SERF2: variants seen among roughly 807,000 people sequenced by gnomAD.
SERF2 encodes the protein gastric cancer-related protein VRG107.
A neutral mutation model predicts 10.7 loss-of-function variants in SERF2; 4 were observed. The ratio of observed to expected loss-of-function variants is 0.37; its 90% confidence interval spans 0.18 to 0.86. The LOEUF is 0.86. Among genes scored for constraint, SERF2 ranks in the 40% least tolerant of loss-of-function variants. The probability of loss-of-function intolerance (pLI) is 0.43; values close to 1 mark genes in which losing one functional copy is unlikely to be tolerated. For missense variants in SERF2, 47 were observed against 79.1 expected (o/e 0.59, Z 1.54); for synonymous variants, 26 against 26.0 (o/e 1.00, Z 0.01).
exon 1 of SERF2, chr15:43,777,170 A>G (rs564008112): frequency 1.6e-6 from 1 of 643,672 alleles, no homozygotes; most frequent in East Asian, 3.3e-5. Flanking sequence ...CGGAAGAGCT[A>G]TCCCCAGTTC....
intron 2 of SERF2, among the ~76,000 whole-genome samples, chr15:43,786,945 A>G (rs112733354): frequency 0.011 from 1,612 of 152,070 alleles, 22 homozygotes; most frequent in African/African-American, 0.036. Context: ...TCCTGAACCA[A>G]TAACTGTTAC....
chr15:43,795,160 A>G lies in SERF2; in HGVS notation c.*1387A>G, dbSNP rs1288634711. 3.7e-6 allele frequency: 6 copies of G among 1,613,984 alleles called. No individual in the cohort carries two copies. Among genetic ancestry groups the G allele is most frequent in the Non-Finnish European group, 5.1e-6 (6 of 1,180,018 alleles). ...CCAGCATGAGGCAACCTTGACCCAG[A>G]AGGTGGCCCAGCTACCCTTGATGAA... On this transcript the variant is annotated 3_prime_UTR_variant, in exon 3 of 3. Coordinates refer to ENST00000249786, the MANE Select transcript of SERF2 (RefSeq NM_001018108.4).
chr15:43,786,438 G>T (rs1384160045), intron 2 of SERF2, among the ~76,000 whole-genome samples: 1 of 148,800 alleles, frequency 6.7e-6, no homozygotes, highest in African/African-American at 2.5e-5. Flanking sequence ...AAAAAAAGCT[G>T]GTTGACGTTT....
chr15:43,786,985 G>C (rs1339047418), intron 2 of SERF2, among the ~76,000 whole-genome samples: 3 of 145,394 alleles, frequency 2.1e-5, no homozygotes, highest in African/African-American at 7.5e-5. Context: ...AATCTGCTTA[G>C]GCCTGGGTTC....
chr15:43,793,574 A>T, intron 2 of SERF2, 136 bp from the exon 3 acceptor site: 6 of 1,551,788 alleles, frequency 3.9e-6, no homozygotes, highest in Non-Finnish European at 5.2e-6. Flanking sequence ...TTGTTCTCCT[A>T]GGGTGGGAGT....
chr15:43,791,431 C>G (rs115553516), upstream of SERF2, among the ~76,000 whole-genome samples: 1,411 of 141,224 alleles, frequency 1.0e-2, 22 homozygotes, highest in African/African-American at 0.037. Flanking sequence ...AGGGTTTTCA[C>G]CATTGTTGGT....
In SERF2 at chr15:43,794,040, G is replaced by A; in HGVS notation, c.*267G>A. ...ACCCCAAAGTATTAAAAGTAGCTTT[G>A]TAATTCCTTGAGCGCCTGGTTTGAC... On this transcript the variant is annotated 3_prime_UTR_variant, in exon 3 of 3. Transcript: ENST00000249786. 1 of 1,394,904 alleles carries A rather than the reference G, an allele frequency of 7.2e-7. No homozygotes were observed. The highest frequency in any genetic ancestry group is 9.4e-7 in the Non-Finnish European group (1 of 1,060,872). The allele number at this position is 1,394,904 out of a possible 1,614,324, so 86.4% of individuals were successfully genotyped here.
At chr15:43,778,601 A>C (rs2086941414) in intron 1 of SERF2, among the ~76,000 whole-genome samples, 1 of 140,804 alleles carries the variant, frequency 7.1e-6, no homozygotes, top group South Asian at 2.2e-4. Flanking sequence ...AAAAAAAAAA[A>C]AAAAAAAAAA....
chr15:43,792,254 C>A, upstream of SERF2: 1 of 872,980 alleles, frequency 1.1e-6, no homozygotes, highest in East Asian at 2.5e-5. Flanking sequence ...GAGCCGGCTC[C>A]CGGGCGCGAA....
At chr15:43,793,563 C>T (rs2087123874) in intron 2 of SERF2, 147 bp from the exon 3 acceptor site, 3 of 1,527,058 alleles carry the variant, frequency 2.0e-6, no homozygotes, top group African/African-American at 1.4e-5. Context: ...CTCTCTTCCT[C>T]TTGTTCTCCT....
Position 43,777,130 on chromosome 15 carries a change from C to T in SERF2, c.-899C>T, listed in dbSNP as rs1420097673. On this transcript the variant is annotated 5_prime_UTR_variant, in exon 1 of 5. Coordinates refer to the SERF2 transcript ENST00000381359. Reference sequence around the variant, plus strand: ...ACCGCCCGGACCTCGGCGCTTTCTTCTAGGATCCGCATGAATCGCTTTGGG... The same window carrying T: ...ACCGCCCGGACCTCGGCGCTTTCTTTTAGGATCCGCATGAATCGCTTTGGG... The T allele has an allele frequency of 6.9e-6, 5 of 723,772 alleles. No individual in the cohort carries two copies. The Admixed American group carries it at 1.0e-4, about 15-fold the overall frequency. The allele number at this position is 723,772 out of a possible 1,614,324, so 44.8% of individuals were successfully genotyped here. A position where few individuals can be genotyped will look rare whatever the true frequency, so the allele number is the denominator to read the frequency against.
upstream of SERF2, chr15:43,791,970 T>C (rs1596038525): frequency 3.5e-6 from 1 of 284,668 alleles, no homozygotes; most frequent in South Asian, 4.5e-5. Flanking sequence ...ACGGGCGTTC[T>C]TTCAGGGCGA....
chr15:43,792,533 A>T (rs1352081353), intron 1 of SERF2, 150 bp downstream of exon 1: 13 of 1,519,700 alleles, frequency 8.6e-6, no homozygotes, highest in Non-Finnish European at 1.1e-5. Flanking sequence ...GGTGCCCGGA[A>T]ATCGAGCCCT....
In SERF2 at chr15:43,795,335, TC is replaced by T; in HGVS notation, c.*1564del. On this transcript the variant is annotated 3_prime_UTR_variant, in exon 3 of 3. Transcript: ENST00000249786. ...TCTGGAATGGCCTTGAATTGCTCTT[TC>T]CTTAAAATAGCTAGCTCTTCAGGAG... The T allele has an allele frequency of 6.2e-7, 1 of 1,608,878 alleles. No individual in the cohort carries two copies. The highest frequency in any genetic ancestry group is 8.5e-7 in the Non-Finnish European group (1 of 1,175,622).
chr15:43,793,468 A>G, intron 2 of SERF2: 1 of 1,154,754 alleles, frequency 8.7e-7, no homozygotes, highest in African/African-American at 1.6e-5. Flanking sequence ...CTCAATACAG[A>G]ATAGAGACCC....
chr15:43,795,492 A>T lies in SERF2; in HGVS notation c.*1719A>T, dbSNP rs761334957. On this transcript the variant is annotated 3_prime_UTR_variant, in exon 3 of 3. Coordinates refer to ENST00000249786, the MANE Select transcript of SERF2 (RefSeq NM_001018108.4). ...AAAGATGCTGGACTTGGACTGGAGGAGCTGGAGGGGTTTCTTGGTCAGCTG... is the reference window on the plus strand; with the variant it reads ...AAAGATGCTGGACTTGGACTGGAGGTGCTGGAGGGGTTTCTTGGTCAGCTG... 6 of 1,614,162 alleles carry T rather than the reference A, an allele frequency of 3.7e-6. No individual in the cohort carries two copies. In the Middle Eastern group the frequency reaches 5.0e-4, roughly 133 times the overall value.
chr15:43,791,108 C>G (rs1423632835), upstream of SERF2, among the ~76,000 whole-genome samples: 1 of 151,522 alleles, frequency 6.6e-6, no homozygotes, highest in Non-Finnish European at 1.5e-5. Flanking sequence ...CAGTCTCGCT[C>G]TGTCGCCCAG....
upstream of SERF2, chr15:43,792,089 C>T: frequency 1.9e-6 from 1 of 521,510 alleles, no homozygotes; most frequent in South Asian, 2.1e-5. Context: ...CCCCAACCTG[C>T]CCACGTGACC....
chr15:43,784,432 CCTCT>C (rs1239252005), intron 1 of SERF2, among the ~76,000 whole-genome samples: 2 of 151,764 alleles, frequency 1.3e-5, no homozygotes, highest in East Asian at 1.9e-4. Flanking sequence ...CTGTGACCTC[CCTCT>C]ATTTTTGTTT....
Sources: gnomAD v4.1 joint callset for allele counts (sites outside exome capture counted in the v4.1 genomes callset) on GRCh38, gnomAD v4.1.1 for gene constraint, MANE v1.5 for transcripts, NCBI Gene and HGNC (gene_info 2026-07-23, HGNC 2026-07-21) for gene names.